RGPD5: variants seen among roughly 807,000 people sequenced by gnomAD.
RGPD5 encodes RANBP2 like and GRIP domain containing 5, also known as RANBP2-like and GRIP domain-containing protein 5/6.
the RGPD5 span, among the ~76,000 whole-genome samples, chr2:109,763,453 G>C: frequency 6.7e-6 from 1 of 150,116 alleles, no homozygotes; most frequent in East Asian, 2.0e-4. Context: ...AATCCAGTCA[G>C]ACAATTGCCA....
At chr2:109,763,828 A>G in the RGPD5 span, among the ~76,000 whole-genome samples, 3 of 149,270 alleles carry the variant, frequency 2.0e-5, 1 homozygote, top group Admixed American at 2.1e-4. Context: ...TTTCCAATTG[A>G]ACAAATTGGA....
At chr2:109,774,567 A>G in the RGPD5 span, among the ~76,000 whole-genome samples, 3 of 71,580 alleles carry the variant, frequency 4.2e-5, 1 homozygote, top group Non-Finnish European at 2.4e-5. Flanking sequence ...ATATGTATGT[A>G]AATGGTCTCC....
chr2:109,766,340 T>C, the RGPD5 span, among the ~76,000 whole-genome samples: 7,433 of 104,894 alleles, frequency 0.071, 134 homozygotes, highest in Non-Finnish European at 0.071. Context: ...GCTCAGCCCT[T>C]GTGTGGGGCG....
the RGPD5 span, among the ~76,000 whole-genome samples, chr2:109,764,058 G>A: frequency 6.9e-6 from 1 of 145,444 alleles, no homozygotes; most frequent in Non-Finnish European, 1.5e-5. Flanking sequence ...CTTCAGGATG[G>A]GTTTTTTGAG....
At chr2:109,773,035 A>G in the RGPD5 span, among the ~76,000 whole-genome samples, 1 of 152,214 alleles carries the variant, frequency 6.6e-6, no homozygotes, top group South Asian at 2.1e-4. Flanking sequence ...CCCTTGGACC[A>G]TGGAGATAAA....
chr2:109,778,142 A>G, the RGPD5 span, among the ~76,000 whole-genome samples: 1 of 138,198 alleles, frequency 7.2e-6, no homozygotes. Context: ...ACACACACCC[A>G]CACCTGTACT....
chr2:109,777,449 A>T, the RGPD5 span, among the ~76,000 whole-genome samples: 1 of 136,980 alleles, frequency 7.3e-6, no homozygotes, highest in African/African-American at 2.7e-5. Flanking sequence ...TATGGTATAT[A>T]ATCCTTTTAT....
chr2:109,766,335 GC>G, the RGPD5 span, among the ~76,000 whole-genome samples: 1 of 150,772 alleles, frequency 6.6e-6, no homozygotes, highest in African/African-American at 2.4e-5. Context: ...GAGGAGCTCA[GC>G]CCTTGTGTGG....
chr2:109,760,903 C>T, the RGPD5 span, among the ~76,000 whole-genome samples: 1 of 134,798 alleles, frequency 7.4e-6, no homozygotes, highest in Non-Finnish European at 1.6e-5. Context: ...TCGGGGGCGC[C>T]TGCCTCGCCA....
At chr2:109,777,324 A>G in the RGPD5 span, among the ~76,000 whole-genome samples, 9 of 148,058 alleles carry the variant, frequency 6.1e-5, no homozygotes, top group Non-Finnish European at 7.4e-5. Context: ...ATCTATTAAT[A>G]CTTTAATATA....
At chr2:109,765,496 C>G in the RGPD5 span, among the ~76,000 whole-genome samples, 5 of 150,202 alleles carry the variant, frequency 3.3e-5, no homozygotes, top group African/African-American at 1.2e-4. Flanking sequence ...GAGAATAAGC[C>G]ATACCCATAA....
At chr2:109,760,876 C>T in the RGPD5 span, among the ~76,000 whole-genome samples, 152 of 98,442 alleles carry the variant, frequency 1.5e-3, 9 homozygotes, top group African/African-American at 6.0e-3. Context: ...GGCCGGCCGC[C>T]GTGGGGGTGG....
chr2:109,773,107 AG>A, the RGPD5 span, among the ~76,000 whole-genome samples: 9 of 152,374 alleles, frequency 5.9e-5, no homozygotes, highest in East Asian at 1.5e-3. Context: ...GATGGAAATA[AG>A]TGGGCGTTAT....
the RGPD5 span, among the ~76,000 whole-genome samples, chr2:109,762,981 C>T: frequency 9.7e-4 from 141 of 144,798 alleles, 5 homozygotes; most frequent in Middle Eastern, 3.6e-3. Flanking sequence ...TTATGGTTTA[C>T]GTAAATTTTT....
chr2:109,760,948 C>G, the RGPD5 span, among the ~76,000 whole-genome samples: 1 of 129,720 alleles, frequency 7.7e-6, no homozygotes. Flanking sequence ...GATGCGTGGC[C>G]GCCTGCCTGT....
chr2:109,761,638 T>C, the RGPD5 span, among the ~76,000 whole-genome samples: 1 of 147,390 alleles, frequency 6.8e-6, no homozygotes, highest in Non-Finnish European at 1.5e-5. Context: ...TCCCCCTTCT[T>C]TCTCTGCTCC....
the RGPD5 span, among the ~76,000 whole-genome samples, chr2:109,767,657 T>G: frequency 6.8e-6 from 1 of 147,904 alleles, no homozygotes; most frequent in Non-Finnish European, 1.5e-5. Context: ...GGCATTTAGC[T>G]GGGAAGTGGG....
chr2:109,771,646 T>C, the RGPD5 span, among the ~76,000 whole-genome samples: 2 of 20,612 alleles, frequency 9.7e-5, no homozygotes, highest in African/African-American at 3.5e-4. Flanking sequence ...ACGGAACACC[T>C]GAGAAAATTC....
chr2:109,761,904 A>G, the RGPD5 span, among the ~76,000 whole-genome samples: 3 of 151,636 alleles, frequency 2.0e-5, no homozygotes, highest in African/African-American at 7.3e-5. Flanking sequence ...TGTGGTGTGC[A>G]CATGAATATG....
Sources: allele counts gnomAD v4.1 joint callset (sites outside exome capture counted in the v4.1 genomes callset), GRCh38; gene constraint gnomAD v4.1.1; transcripts MANE v1.5; gene names NCBI Gene and HGNC (gene_info 2026-07-23, HGNC 2026-07-21).